The following NEK11 variants were observed in gnomAD, a reference collection of about 807,000 sequenced individuals.
NEK11 encodes the protein serine/threonine-protein kinase Nek11.
Under a neutral mutation model 80.7 loss-of-function variants are expected in NEK11, and 72 were observed. The observed-to-expected ratio is 0.89, with a 90% confidence interval of 0.74 to 1.08. The LOEUF (loss-of-function observed/expected upper bound fraction) is 1.08, where lower values mean the gene tolerates loss of function less well. Among genes scored for constraint, NEK11 ranks in the 50% least tolerant of loss-of-function variants. NEK11 has a pLI of 0.00. For missense variants in NEK11, 764 were observed against 763.6 expected (o/e 1.00, Z -0.01); for synonymous variants, 251 against 260.7 (o/e 0.96, Z 0.36).
intron 5 of NEK11, among the ~76,000 whole-genome samples, chr3:131,117,898 A>G (rs1283512288): frequency 6.6e-6 from 1 of 152,188 alleles, no homozygotes; most frequent in African/African-American, 2.4e-5. Flanking sequence ...TTTTCTAAGT[A>G]TATGATTATG....
At chr3:131,296,657 A>T (rs2096596564) in intron 17 of NEK11, among the ~76,000 whole-genome samples, 1 of 151,852 alleles carries the variant, frequency 6.6e-6, no homozygotes, top group African/African-American at 2.4e-5. Flanking sequence ...GATTTATTTT[A>T]TTTTATTTTA....
chr3:131,263,272 T>C (rs2095969837), intron 16 of NEK11, among the ~76,000 whole-genome samples: 1 of 152,120 alleles, frequency 6.6e-6, no homozygotes, highest in South Asian at 2.1e-4. Context: ...TACCAATGAG[T>C]GAGAACATGC....
chr3:131,151,519 A>G (rs1251612101), intron 7 of NEK11, among the ~76,000 whole-genome samples: 2 of 152,122 alleles, frequency 1.3e-5, no homozygotes, highest in Non-Finnish European at 2.9e-5. Flanking sequence ...TAAAAGTTAC[A>G]TAAAATGTAA....
chr3:131,251,277 C>T (rs2095698002), intron 16 of NEK11, among the ~76,000 whole-genome samples: 1 of 150,108 alleles, frequency 6.7e-6, no homozygotes, highest in African/African-American at 2.4e-5. Context: ...AGGCAGGAAG[C>T]TTTCTTGTTT....
intron 4 of NEK11, among the ~76,000 whole-genome samples, chr3:131,097,292 T>C (rs1485813149): frequency 7.2e-5 from 11 of 151,858 alleles, no homozygotes; most frequent in Non-Finnish European, 1.3e-4. Context: ...TAGTTCTAGA[T>C]CCCTGAGGAA....
intron 17 of NEK11, among the ~76,000 whole-genome samples, chr3:131,284,899 C>T (rs1325781821): frequency 6.6e-6 from 1 of 152,182 alleles, no homozygotes; most frequent in Non-Finnish European, 1.5e-5. Context: ...CTCGAACTGG[C>T]TTCCTGGCTC....
chr3:131,223,123 A>T (rs1032322816), intron 14 of NEK11, among the ~76,000 whole-genome samples: 1 of 152,358 alleles, frequency 6.6e-6, no homozygotes, highest in African/African-American at 2.4e-5. Context: ...AAAGCTGTTT[A>T]TCAGACTCTT....
At chr3:131,048,653 G>A (rs2109941048) in intron 3 of NEK11, among the ~76,000 whole-genome samples, 1 of 152,302 alleles carries the variant, frequency 6.6e-6, no homozygotes, top group Middle Eastern at 3.4e-3. Flanking sequence ...CCAGGTGCCT[G>A]CAGCAGCAAT....
At chr3:131,292,751 G>A (rs1443760324) in intron 17 of NEK11, among the ~76,000 whole-genome samples, 1 of 151,932 alleles carries the variant, frequency 6.6e-6, no homozygotes, top group Admixed American at 6.6e-5. Flanking sequence ...CATTTTTTTA[G>A]TTCTTCTTTG....
chr3:131,331,907 G>C (rs553123799), intron 17 of NEK11, among the ~76,000 whole-genome samples: 6 of 152,336 alleles, frequency 3.9e-5, no homozygotes, highest in Admixed American at 3.9e-4. Flanking sequence ...CAGCGAGGCT[G>C]GGGGAGGGGC....
At chr3:131,327,218 T>TA (rs1260779933) in intron 17 of NEK11, 1 of 152,360 alleles carries the variant, frequency 6.6e-6, no homozygotes, top group Non-Finnish European at 1.5e-5. Flanking sequence ...CCCAAGCCCA[T>TA]TTCTACAGTC....
chr3:131,342,349 T>C (rs2097299378), intron 17 of NEK11, among the ~76,000 whole-genome samples: 1 of 152,216 alleles, frequency 6.6e-6, no homozygotes. Context: ...AAAGGTAAAA[T>C]ACATTGTACC....
chr3:131,327,548 T>C (rs2096988088), intron 17 of NEK11: 2 of 152,322 alleles, frequency 1.3e-5, no homozygotes, highest in South Asian at 2.1e-4. Flanking sequence ...GAAAAGTTGA[T>C]TTGTCAAGCT....
chr3:131,051,490 T>A (rs1288413694), intron 3 of NEK11, among the ~76,000 whole-genome samples: 1 of 152,200 alleles, frequency 6.6e-6, no homozygotes, highest in East Asian at 1.9e-4. Context: ...TTCCAGATCA[T>A]TTTTTGTATT....
intron 17 of NEK11, among the ~76,000 whole-genome samples, chr3:131,308,034 G>A (rs955976367): frequency 6.6e-6 from 1 of 152,198 alleles, no homozygotes; most frequent in African/African-American, 2.4e-5. Context: ...GGCAGATTTT[G>A]ATTTAAATTC....
At chr3:131,236,480 C>T (rs1011214505) in intron 15 of NEK11, among the ~76,000 whole-genome samples, 1 of 152,196 alleles carries the variant, frequency 6.6e-6, no homozygotes, top group African/African-American at 2.4e-5. Flanking sequence ...AGCAATCCCA[C>T]AGGCATTGAC....
At chr3:131,123,190 G>A (rs928208207) in intron 5 of NEK11, among the ~76,000 whole-genome samples, 5 of 151,896 alleles carry the variant, frequency 3.3e-5, no homozygotes, top group Admixed American at 2.6e-4. Context: ...CTCCTGAGAC[G>A]GAGTCTTGCT....
chr3:131,032,868 ATAAT>A (rs1483156269), intron 3 of NEK11, among the ~76,000 whole-genome samples: 1 of 152,250 alleles, frequency 6.6e-6, no homozygotes, highest in Admixed American at 6.5e-5. Context: ...AGTTAAAAGA[ATAAT>A]TAAAGGAAGC....
intron 10 of NEK11, among the ~76,000 whole-genome samples, chr3:131,161,490 T>C (rs2091576277): frequency 6.6e-6 from 1 of 152,158 alleles, no homozygotes; most frequent in African/African-American, 2.4e-5. Context: ...CACCATGGGA[T>C]ACTACACAGC....
Sources: gnomAD v4.1 joint callset for allele counts (sites outside exome capture counted in the v4.1 genomes callset) on GRCh38, gnomAD v4.1.1 for gene constraint, MANE v1.5 for transcripts, NCBI Gene and HGNC (gene_info 2026-07-23, HGNC 2026-07-21) for gene names.